The following DRC1 variants were observed in gnomAD, a reference collection of about 807,000 sequenced individuals.
The protein encoded by DRC1 is dynein regulatory complex subunit 1, also known as dynein regulatory complex protein 1.
In DRC1, 74 loss-of-function variants were observed where a neutral mutation model predicts 98.7. The ratio of observed to expected loss-of-function variants is 0.75; its 90% confidence interval spans 0.62 to 0.91. The LOEUF (loss-of-function observed/expected upper bound fraction) is 0.91, where lower values mean the gene tolerates loss of function less well. Among genes scored for constraint, DRC1 ranks in the 40% least tolerant of loss-of-function variants. DRC1 has a pLI of 0.00. For synonymous variants in DRC1, 336 were observed against 334.1 expected, an observed-to-expected ratio of 1.01 and a Z score of -0.06; for missense variants, 875 against 886.0, an observed-to-expected ratio of 0.99 and a Z score of 0.16.
At chr2:26,425,752 A>C (rs1245433370) in intron 4 of DRC1, among the ~76,000 whole-genome samples, 1 of 152,036 alleles carries the variant, frequency 6.6e-6, no homozygotes, top group Admixed American at 6.5e-5. Context: ...TCCTTTGCTT[A>C]TTTTTAAATT....
chr2:26,441,029 T>A (rs1020851027), intron 8 of DRC1, among the ~76,000 whole-genome samples: 11 of 152,228 alleles, frequency 7.2e-5, no homozygotes, highest in Non-Finnish European at 1.5e-4. Context: ...TAAGTACTCA[T>A]GACATGTGCC....
At chr2:26,415,367 T>A (rs1021183886) in intron 2 of DRC1, among the ~76,000 whole-genome samples, 3 of 152,006 alleles carry the variant, frequency 2.0e-5, no homozygotes, top group African/African-American at 7.3e-5. Flanking sequence ...ATGGAGAAAG[T>A]GGGATTTGAG....
rs766663486 is a variant in DRC1 at position 26,402,032 on chromosome 2, G to A, written c.43G>A (p.Asp15Asn). The A allele has an allele frequency of 3.1e-6, 5 of 1,612,888 alleles. No homozygotes were observed. Among genetic ancestry groups the A allele is most frequent in the Non-Finnish European group, 4.2e-6 (5 of 1,179,610 alleles). Reference protein sequence around the residue: ...GSLEALDPNVDEHLSTQILAP... With the variant: ...GSLEALDPNVNEHLSTQILAP... ...CCTAGAGGCCCTGGACCCGAACGTG[G>A]ACGAGCACTTGTCCACCCAGATTCT... Residue 15 changes from aspartate (D) to asparagine (N), a missense_variant, in exon 1 of 17, where the codon GAC becomes AAC. Physicochemically the swap from Asp to Asn is conservative, Grantham distance 23 (BLOSUM62 1). Transcript: ENST00000288710.
chr2:26,444,265 C>A lies in DRC1; in HGVS notation c.1072C>A (p.Gln358Lys). ...CAATCTGAGATCAAAATATGCCAAG[C>A]AAATAAAGCAGTTTCAGGAGGAGAA... is the stretch of plus-strand genomic sequence containing the variant. ...LNNLRSKYAK[Q>K]IKQFQEENQS... Residue 358 changes from glutamine to lysine, a missense_variant, in exon 9 of 17, where the codon CAA (glutamine) becomes AAA (lysine). Transcript: ENST00000288710. 1 of 1,614,108 alleles carries A rather than the reference C, an allele frequency of 6.2e-7. No individual in the cohort carries two copies. The highest frequency in any genetic ancestry group is 1.6e-4 in the Middle Eastern group (1 of 6,062).
rs1304909808 is a variant in DRC1, at chr2:26,401,957, G to A, written c.-33G>A. 3.8e-6 allele frequency: 6 copies of A among 1,568,114 alleles called. No individual in the cohort carries two copies. The East Asian group carries it at 1.2e-4, about 31-fold the overall frequency. ...CAGCCTGAGGTCTGGAGGTGGTGCG[G>A]AGGGAGCCGCCTAGGGACCAGGGAC... On this transcript the variant is annotated 5_prime_UTR_variant, in exon 1 of 17. Transcript: ENST00000288710.
chr2:26,432,263 G>C (rs538149113), intron 7 of DRC1, among the ~76,000 whole-genome samples: 1 of 152,152 alleles, frequency 6.6e-6, no homozygotes, highest in Non-Finnish European at 1.5e-5. Flanking sequence ...TTGGGAGGCC[G>C]AGGCATGAGG....
intron 13 of DRC1, among the ~76,000 whole-genome samples, chr2:26,450,883 C>G (rs181506355): frequency 1.3e-5 from 2 of 152,234 alleles, no homozygotes; most frequent in African/African-American, 4.8e-5. Flanking sequence ...TCCCCTAGCC[C>G]CCACCCCCCG....
intron 4 of DRC1, among the ~76,000 whole-genome samples, chr2:26,427,687 G>C (rs1001734272): frequency 6.6e-6 from 1 of 150,844 alleles, no homozygotes; most frequent in African/African-American, 2.4e-5. Context: ...CTATATTTTT[G>C]TGCCTATTAA....
intron 3 of DRC1, among the ~76,000 whole-genome samples, chr2:26,423,943 C>G (rs1663215114): frequency 6.6e-6 from 1 of 152,142 alleles, no homozygotes; most frequent in Non-Finnish European, 1.5e-5. Flanking sequence ...CAGTGTTTAA[C>G]TGTTGTGTGT....
At chr2:26,418,620 A>T (rs868665682) in intron 2 of DRC1, among the ~76,000 whole-genome samples, 1,240 of 89,278 alleles carry the variant, frequency 0.014, 51 homozygotes, top group African/African-American at 0.065. Context: ...AATTATATAT[A>T]ATATAAATTA....
chr2:26,410,031 GA>G (rs936330830), intron 1 of DRC1, among the ~76,000 whole-genome samples: 1 of 149,180 alleles, frequency 6.7e-6, no homozygotes, highest in Non-Finnish European at 1.5e-5. Context: ...GAAAAAGAGG[GA>G]AAAAAAAGAT....
Position 26,424,368 on chromosome 2 carries a change from G to A in DRC1, c.454G>A (p.Glu152Lys). Reference sequence around the variant, plus strand: ...GGGCAAGCAGAAGAGAATTCCCCAAGAGCTGTGGGAAATGCTCAATACCCA... The same window carrying A: ...GGGCAAGCAGAAGAGAATTCCCCAAAAGCTGTGGGAAATGCTCAATACCCA... ...EEGKQKRIPQ[E>K]LWEMLNTQQL... Residue 152 changes from glutamate (E) to lysine (K), a missense_variant, in exon 4 of 17, where the codon GAG (glutamate) becomes AAG (lysine). Transcript: ENST00000288710. 4 of 1,613,832 alleles carry A rather than the reference G, an allele frequency of 2.5e-6. No individual in the cohort carries two copies. The highest frequency in any genetic ancestry group is 3.4e-6 in the Non-Finnish European group (4 of 1,179,988).
At chr2:26,440,583 CT>C in intron 8 of DRC1, 66 bp downstream of exon 8, 1 of 1,491,094 alleles carries the variant, frequency 6.7e-7, no homozygotes, top group Non-Finnish European at 8.9e-7. Context: ...TGGATATGTA[CT>C]TTTTTCTATT....
chr2:26,418,105 G>A (rs1572357867), intron 2 of DRC1, among the ~76,000 whole-genome samples: 1 of 152,136 alleles, frequency 6.6e-6, no homozygotes, highest in East Asian at 1.9e-4. Flanking sequence ...ATCCCCTCAA[G>A]TAGACTTGTC....
At position 26,454,004 on chromosome 2, in the gene DRC1, G is replaced by A. The variant is rs1664076686; in HGVS notation, c.1919+455G>A. On this transcript the variant is annotated intron_variant, in intron 14 of 16. Coordinates refer to ENST00000288710, the MANE Select transcript of DRC1 (RefSeq NM_145038.5). The surrounding 1 kb of genome is among the most constrained non-coding windows in gnomAD (Gnocchi z 5.2). ...GAAATGACAGCATGGGGAAGGTCTGGTCTGTTCAAGAATCATCACAGGAGG... is the reference window on the plus strand; with the variant it reads ...GAAATGACAGCATGGGGAAGGTCTGATCTGTTCAAGAATCATCACAGGAGG... Among the ~76,000 whole-genome samples, 1 of 152,218 alleles carries A rather than the reference G, an allele frequency of 6.6e-6. No individual in the cohort carries two copies. The highest frequency in any genetic ancestry group is 2.4e-5 in the African/African-American group (1 of 41,456).
At chr2:26,418,426 A>C (rs1311557054) in intron 2 of DRC1, among the ~76,000 whole-genome samples, 1 of 148,446 alleles carries the variant, frequency 6.7e-6, no homozygotes, top group Non-Finnish European at 1.5e-5. Context: ...TAGAACTCTG[A>C]GGTGTGTCTG....
chr2:26,429,866 C>T, intron 5 of DRC1, 101 bp downstream of exon 5: 6 of 1,267,466 alleles, frequency 4.7e-6, no homozygotes, highest in South Asian at 1.5e-5. Flanking sequence ...CATGACTTCT[C>T]TGTCCGCTGA....
chr2:26,448,711 G>C lies in DRC1; in HGVS notation c.1417G>C (p.Ala473Pro). The change falls in exon 11 of 17, where the codon GCC (alanine) becomes CCC (proline). Residue 473 changes from alanine to proline, a missense_variant. By Grantham distance (27) the Ala-to-Pro change is conservative. Coordinates refer to ENST00000288710, the MANE Select transcript of DRC1 (RefSeq NM_145038.5). ...MRSEEEEAEE[A>P]AAEPESYLDL... is the part of the protein sequence containing the mutation. ...TGCAGAAGAGGAGGAGGCAGAAGAG[G>C]CCGCCGCGGAACCAGAGTCCTACCT... 1 of 1,614,192 alleles carries C rather than the reference G, an allele frequency of 6.2e-7. No individual in the cohort carries two copies. Among genetic ancestry groups the C allele is most frequent in the Non-Finnish European group, 8.5e-7 (1 of 1,180,032 alleles).
intron 7 of DRC1, among the ~76,000 whole-genome samples, chr2:26,439,340 G>A (rs1035615778): frequency 1.1e-4 from 16 of 152,058 alleles, no homozygotes; most frequent in African/African-American, 3.6e-4. Context: ...TCCCATAACG[G>A]TCTGGCCTTC....
Sources: allele counts gnomAD v4.1 joint callset (sites outside exome capture counted in the v4.1 genomes callset), GRCh38; gene constraint gnomAD v4.1.1; non-coding constraint Gnocchi (gnomAD v3.1); transcripts MANE v1.5; gene names NCBI Gene and HGNC (gene_info 2026-07-23, HGNC 2026-07-21).